PPP2R2D: variants seen among roughly 807,000 people sequenced by gnomAD.
PPP2R2D encodes serine/threonine-protein phosphatase 2A 55 kDa regulatory subunit B delta isoform.
A neutral mutation model predicts 31.1 loss-of-function variants in PPP2R2D; 9 were observed. The ratio of observed to expected loss-of-function variants is 0.29; its 90% CI spans 0.17 to 0.51. The LOEUF is 0.51. Among genes scored for constraint, PPP2R2D ranks in the 20% least tolerant of loss-of-function variants. PPP2R2D has a pLI of 0.98. For missense variants in PPP2R2D, 391 were observed against 465.6 expected (o/e 0.84, Z 1.48); for synonymous variants, 179 against 172.6 (o/e 1.04, Z -0.29).
intron 2 of PPP2R2D, among the ~76,000 whole-genome samples, chr10:131,931,172 T>G (rs143808997): frequency 6.6e-6 from 1 of 152,212 alleles, no homozygotes; most frequent in African/African-American, 2.4e-5. Context: ...CCTGGGGCTC[T>G]TAGAGGCCTG....
chr10:131,914,632 T>TG (rs1414338137), intron 2 of PPP2R2D, among the ~76,000 whole-genome samples: 3 of 152,152 alleles, frequency 2.0e-5, no homozygotes, highest in Non-Finnish European at 2.9e-5. Context: ...ACACACACTT[T>TG]GTGGAGTAAG....
chr10:131,955,758 A>G lies in PPP2R2D; in HGVS notation c.1157A>G (p.Glu386Gly). The G allele has an allele frequency of 6.4e-7, 1 of 1,571,700 alleles. No homozygotes were observed. The highest frequency in any genetic ancestry group is 8.7e-7 in the Non-Finnish European group (1 of 1,154,568). ...GACACGCGGAGGGATGTGACCCTGG[A>G]GGCCTCGAGAGAGAGCAGCAAACCG... Reference protein sequence around the residue: ...DRDTRRDVTLEASRESSKPRA... With the variant: ...DRDTRRDVTLGASRESSKPRA... The change falls in exon 9 of 9, where the codon GAG (glutamate) becomes GGG (glycine). Residue 386 changes from glutamate (E) to glycine (G), a missense_variant. Glu to Gly is a moderately conservative substitution (Grantham distance 98). Around this residue, in one of 3 missense-constraint regions of PPP2R2D, gnomAD observed 163 missense variants for 179.5 expected, o/e 0.91. Transcript: ENST00000455566.
intron 2 of PPP2R2D, among the ~76,000 whole-genome samples, chr10:131,931,019 C>A (rs1186117649): frequency 6.6e-6 from 1 of 152,248 alleles, no homozygotes; most frequent in Non-Finnish European, 1.5e-5. Context: ...CCTGGGGGCC[C>A]CACTGGGTGT....
At chr10:131,943,347 A>G (rs1486761498) in intron 5 of PPP2R2D, among the ~76,000 whole-genome samples, 2 of 152,182 alleles carry the variant, frequency 1.3e-5, no homozygotes, top group East Asian at 1.9e-4. Context: ...GAAGTGTAAT[A>G]TATAATACAT....
intron 3 of PPP2R2D, chr10:131,934,957 T>G (rs2036312619): frequency 2.2e-6 from 1 of 456,242 alleles, no homozygotes; most frequent in South Asian, 1.5e-5. Context: ...CAGCACTTCC[T>G]GCAGAGAAGT....
Position 131,956,518 on chromosome 10 carries a change from A to G in PPP2R2D, c.*555A>G, listed in dbSNP as rs1554900050. Reference sequence around the variant, plus strand: ...CCTTCGGGTGTGAGCGCTCAATAAAAACAACACACTATAAAGTGTTTTTAA... The same window carrying G: ...CCTTCGGGTGTGAGCGCTCAATAAAGACAACACACTATAAAGTGTTTTTAA... On this transcript the variant is annotated 3_prime_UTR_variant, in exon 9 of 9. Coordinates refer to ENST00000455566, the MANE Select transcript of PPP2R2D (RefSeq NM_018461.5). 13 of 985,368 alleles carry G rather than the reference A, an allele frequency of 1.3e-5. No homozygotes were observed. In the South Asian group the frequency reaches 5.2e-4, roughly 39 times the overall value. 61.0% of individuals were successfully genotyped at this position (985,368 alleles called of 1,614,324 possible).
chr10:131,925,030 T>TA (rs750302096), intron 2 of PPP2R2D, among the ~76,000 whole-genome samples: 2 of 152,228 alleles, frequency 1.3e-5, no homozygotes, highest in Non-Finnish European at 2.9e-5. Flanking sequence ...AACCTGTTTA[T>TA]TATCTCTGAT....
At chr10:131,911,508 G>A (rs1380468811) in intron 2 of PPP2R2D, 3 of 152,280 alleles carry the variant, frequency 2.0e-5, no homozygotes, top group Admixed American at 2.0e-4. Flanking sequence ...CAGGGAATAA[G>A]CTAAGCAAAA....
chr10:131,925,607 G>A (rs1554894813), intron 2 of PPP2R2D, among the ~76,000 whole-genome samples: 1 of 152,106 alleles, frequency 6.6e-6, no homozygotes, highest in Non-Finnish European at 1.5e-5. Context: ...TAGTGCTTAA[G>A]TGACTAGAAA....
At chr10:131,910,606 A>G (rs966713465) in intron 2 of PPP2R2D, among the ~76,000 whole-genome samples, 5 of 152,188 alleles carry the variant, frequency 3.3e-5, no homozygotes, top group African/African-American at 1.2e-4. Context: ...CATTCCATGA[A>G]AAAAAGGGCT....
chr10:131,902,153 A>G (rs1456698132), intron 2 of PPP2R2D, among the ~76,000 whole-genome samples: 1 of 152,140 alleles, frequency 6.6e-6, no homozygotes, highest in Non-Finnish European at 1.5e-5. Flanking sequence ...TTGAATGGAG[A>G]ACTTGGTCGA....
At position 131,934,639 on chromosome 10, in the gene PPP2R2D, C is replaced by T. The variant is rs147923448; in HGVS notation, c.198+84C>T. 181 of 716,190 alleles carry T rather than the reference C, an allele frequency of 2.5e-4. No homozygotes were observed. In the African/African-American group the frequency reaches 2.7e-3, roughly 11 times the overall value. The allele number at this position is 716,190 out of a possible 1,614,324, so 44.4% of individuals were successfully genotyped here. On this transcript the variant is annotated intron_variant, in intron 3 of 8. Coordinates refer to ENST00000455566, the MANE Select transcript of PPP2R2D (RefSeq NM_018461.5). ...AGAAGGGAGGAAGCAAAATTATTTT[C>T]TCATTGTCTCATTTCATTAAGATTC...
intron 2 of PPP2R2D, among the ~76,000 whole-genome samples, chr10:131,929,932 C>G (rs887584737): frequency 8.5e-5 from 13 of 152,130 alleles, no homozygotes; most frequent in Admixed American, 5.2e-4. Flanking sequence ...TGTGCTGGGA[C>G]TGCTCACTTT....
chr10:131,946,101 C>T (rs2036535125), intron 7 of PPP2R2D, among the ~76,000 whole-genome samples: 1 of 152,208 alleles, frequency 6.6e-6, no homozygotes. Context: ...CTGAGGCCGC[C>T]AGCACACAGG....
rs1554898135 is a variant in PPP2R2D at position 131,947,497 on chromosome 10, C to T, written c.821-33C>T. ...AATGATTTGTTCTCTGATTTTTAAA[C>T]AGAAGCTGAAAACATTTTATTTTGT... On this transcript the variant is annotated intron_variant, in intron 7 of 8. Coordinates refer to ENST00000455566, the MANE Select transcript of PPP2R2D (RefSeq NM_018461.5). This position sits in a 1 kb window ranked among gnomAD's most constrained non-coding sequence, Gnocchi z 4.3. The T allele has an allele frequency of 3.1e-6, 5 of 1,599,052 alleles. No individual in the cohort carries two copies. Among genetic ancestry groups the T allele is most frequent in the Non-Finnish European group, 4.3e-6 (5 of 1,171,808 alleles).
rs1028009782 is a variant in PPP2R2D at position 131,945,612 on chromosome 10, A to G, written c.820+153A>G. ...GTAGCTGGGACCACAGGCAGGTGCC[A>G]CCATGCCCAGCTAGTTTTTGTATTT... On this transcript the variant is annotated intron_variant, in intron 7 of 8. Transcript: ENST00000455566. The surrounding 1 kb of genome is among the most constrained non-coding windows in gnomAD (Gnocchi z 4.8). 17 of 820,916 alleles carry G rather than the reference A, an allele frequency of 2.1e-5. No individual in the cohort carries two copies. The highest frequency in any genetic ancestry group is 3.0e-5 in the Non-Finnish European group (16 of 540,012). The allele number at this position is 820,916 out of a possible 1,614,324, so 50.9% of individuals were successfully genotyped here. A position where few individuals can be genotyped will look rare whatever the true frequency, so the allele number is the denominator to read the frequency against.
At chr10:131,915,860 C>A (rs1385236141) in intron 2 of PPP2R2D, among the ~76,000 whole-genome samples, 1 of 152,168 alleles carries the variant, frequency 6.6e-6, no homozygotes, top group African/African-American at 2.4e-5. Context: ...TATTAATCTC[C>A]TCTGCCATAG....
At chr10:131,931,853 C>T (rs1554895718) in intron 2 of PPP2R2D, among the ~76,000 whole-genome samples, 1 of 152,156 alleles carries the variant, frequency 6.6e-6, no homozygotes, top group Admixed American at 6.5e-5. Context: ...GAGGGCACCC[C>T]TGGGGATGGC....
chr10:131,918,455 G>T (rs1336023642), intron 2 of PPP2R2D, among the ~76,000 whole-genome samples: 1 of 148,646 alleles, frequency 6.7e-6, no homozygotes, highest in Non-Finnish European at 1.5e-5. Flanking sequence ...GACCTCACAC[G>T]GGTGGAGTGA....
Sources: allele counts gnomAD v4.1 joint callset (sites outside exome capture counted in the v4.1 genomes callset), GRCh38; gene constraint gnomAD v4.1.1; regional missense constraint gnomAD v4.1.1; non-coding constraint Gnocchi (gnomAD v3.1); transcripts MANE v1.5; gene names NCBI Gene and HGNC (gene_info 2026-07-23, HGNC 2026-07-21).